The following HDAC4 variants were observed in gnomAD, a reference collection of about 807,000 sequenced individuals.
The protein encoded by HDAC4 is histone deacetylase A.
HDAC4 carries 16 observed loss-of-function variants against 135.1 expected under a neutral mutation model. That is an observed-to-expected ratio of 0.12 (90% confidence interval 0.08 to 0.18). HDAC4 has a LOEUF of 0.18. Ranked by LOEUF, HDAC4 falls within the 10% of genes least tolerant of loss-of-function variation. HDAC4 has a pLI of 1.00. For synonymous variants in HDAC4, 685 were observed against 653.4 expected (o/e 1.05, Z -0.74); for missense variants, 1,143 against 1,511.8 (o/e 0.76, Z 4.05).
intron 3 of HDAC4, among the ~76,000 whole-genome samples, chr2:239,193,519 A>G (rs972869007): frequency 6.6e-6 from 1 of 152,230 alleles, no homozygotes; most frequent in African/African-American, 2.4e-5. Context: ...AAGGGCCCAC[A>G]GTGGGCTGCG....
At chr2:239,063,447 G>A (rs1000864033) in intron 24 of HDAC4, among the ~76,000 whole-genome samples, 6 of 152,072 alleles carry the variant, frequency 3.9e-5, no homozygotes, top group African/African-American at 1.2e-4. Flanking sequence ...CTCGTGATCC[G>A]CCCGCCTCGG....
At position 239,285,923 on chromosome 2, in the gene HDAC4, TC is replaced by T. The variant is rs2051111835; in HGVS notation, c.23-49260del. On this transcript the variant is annotated intron_variant, in intron 2 of 26. Coordinates refer to ENST00000543185, the MANE Select transcript of HDAC4 (RefSeq NM_001378414.1). This position sits in a 1 kb window ranked among gnomAD's most constrained non-coding sequence, Gnocchi z 4.5. ...CCTATCAGAAGAACGGCCTCCTCAC[TC>T]CCATCCCTCTATTTCCAAACAGTAA... Among the ~76,000 whole-genome samples the T allele has an allele frequency of 6.6e-6, 1 of 151,490 alleles. No homozygotes were observed. The highest frequency in any genetic ancestry group is 2.4e-5 in the African/African-American group (1 of 41,160).
At chr2:239,305,619 T>C (rs576184039) in intron 2 of HDAC4, 4 of 152,798 alleles carry the variant, frequency 2.6e-5, no homozygotes, top group African/African-American at 9.6e-5. Flanking sequence ...AAATAAGTTC[T>C]AAAAGTTTCT....
At chr2:239,097,076 G>A (rs1335625758) in intron 16 of HDAC4, among the ~76,000 whole-genome samples, 7 of 152,214 alleles carry the variant, frequency 4.6e-5, no homozygotes, top group Admixed American at 3.9e-4. Context: ...GCTGAGGGGC[G>A]CAGGCGCCAT....
At chr2:239,089,745 A>ATTTT (rs1400857466) in intron 18 of HDAC4, 13 of 314,972 alleles carry the variant, frequency 4.1e-5, no homozygotes, top group African/African-American at 2.9e-4. Context: ...TTTTTTTTTA[A>ATTTT]GAGTATAAAT....
At chr2:239,346,257 C>CAA (rs138529684) in intron 2 of HDAC4, among the ~76,000 whole-genome samples, 38,006 of 150,234 alleles carry the variant, frequency 0.25, 5,561 homozygotes, top group Non-Finnish European at 0.34. Context: ...CTTTAATACA[C>CAA]AGACACCCAC....
At position 239,107,447 on chromosome 2, in the gene HDAC4, C is replaced by T. The variant is rs544326702; in HGVS notation, c.2112+603G>A. 1.2e-4 allele frequency among the ~76,000 whole-genome samples: 19 copies of T among 152,322 alleles called. No individual in the cohort carries two copies. The East Asian group carries it at 3.5e-3, about 28-fold the overall frequency. On this transcript the variant is annotated intron_variant, in intron 15 of 26. Transcript: ENST00000543185. Reference sequence around the variant, plus strand: ...CCCGAAGCCTCCTCGTGTGACTCAGCCACATAAGGGAGCTGAATTCAAACC... The same window carrying T: ...CCCGAAGCCTCCTCGTGTGACTCAGTCACATAAGGGAGCTGAATTCAAACC...
chr2:239,097,144 G>T (rs976811708), intron 16 of HDAC4, among the ~76,000 whole-genome samples: 6 of 152,370 alleles, frequency 3.9e-5, no homozygotes, highest in African/African-American at 1.4e-4. Flanking sequence ...GCCAGCCTGT[G>T]TCGGAGGGAG....
intron 1 of HDAC4, among the ~76,000 whole-genome samples, chr2:239,390,335 C>T (rs1696115349): frequency 6.6e-6 from 1 of 152,132 alleles, no homozygotes; most frequent in Admixed American, 6.5e-5. Flanking sequence ...AGTTTGAGAC[C>T]AGCCATGGAC....
chr2:239,126,789 C>T, intron 11 of HDAC4, 95 bp from the exon 12 acceptor site: 6 of 1,338,296 alleles, frequency 4.5e-6, no homozygotes, highest in Non-Finnish European at 5.2e-6. Context: ...CAACTGCGCC[C>T]TGTGCCCGCC....
intron 1 of HDAC4, among the ~76,000 whole-genome samples, chr2:239,392,866 C>A (rs764674407): frequency 6.6e-6 from 1 of 152,216 alleles, no homozygotes; most frequent in Non-Finnish European, 1.5e-5. Context: ...GCAGATGGGC[C>A]AGGCTGGGCT....
chr2:239,314,041 C>T (rs1272916275), intron 2 of HDAC4, among the ~76,000 whole-genome samples: 2 of 152,112 alleles, frequency 1.3e-5, no homozygotes, highest in African/African-American at 4.8e-5. Context: ...AGAGGACTCC[C>T]CTCAGAACTC....
intron 1 of HDAC4, among the ~76,000 whole-genome samples, chr2:239,376,648 G>A (rs1354441196): frequency 6.6e-6 from 1 of 152,256 alleles, no homozygotes; most frequent in Non-Finnish European, 1.5e-5. Context: ...TCCAGCCACA[G>A]ATTGCCCGGG....
intron 3 of HDAC4, among the ~76,000 whole-genome samples, chr2:239,192,440 C>T (rs2045050978): frequency 6.6e-6 from 1 of 152,226 alleles, no homozygotes; most frequent in Non-Finnish European, 1.5e-5. Flanking sequence ...CGTTCACCTA[C>T]ATTTGCTTCA....
Position 239,080,125 on chromosome 2 carries a change from CACAA to C in HDAC4, c.2750+966_2750+969del, listed in dbSNP as rs534001153. Among the ~76,000 whole-genome samples the C allele has an allele frequency of 1.6e-3, 247 of 152,200 alleles. 9 individuals are homozygous for C. Among genetic ancestry groups the C allele is most frequent in the African/African-American group, 5.2e-3 (217 of 41,468 alleles). On this transcript the variant is annotated intron_variant, in intron 22 of 26. Coordinates refer to ENST00000543185, the MANE Select transcript of HDAC4 (RefSeq NM_001378414.1). ...ACACACACAGATGAACACCGACCCA[CACAA>C]ACACACACACGCACGTGGACACACA...
intron 1 of HDAC4, among the ~76,000 whole-genome samples, chr2:239,353,807 C>G (rs1352398322): frequency 6.6e-6 from 1 of 152,182 alleles, no homozygotes; most frequent in Non-Finnish European, 1.5e-5. Context: ...AAAGAAAAAT[C>G]ACTTTCAGCA....
At chr2:239,091,133 A>C (rs1472120086) in intron 17 of HDAC4, 1 of 152,240 alleles carries the variant, frequency 6.6e-6, no homozygotes, top group Non-Finnish European at 1.5e-5. Context: ...GTGTTGGCTC[A>C]TTTATTTATT....
chr2:239,066,631 T>A, intron 24 of HDAC4, 91 bp downstream of exon 24: 1 of 1,589,448 alleles, frequency 6.3e-7, no homozygotes, highest in Non-Finnish European at 8.6e-7. Context: ...ACCCACTGGC[T>A]TTTTCATGCT....
At chr2:239,226,827 G>T (rs1414154433) in intron 3 of HDAC4, among the ~76,000 whole-genome samples, 1 of 152,170 alleles carries the variant, frequency 6.6e-6, no homozygotes, top group Non-Finnish European at 1.5e-5. Flanking sequence ...AGTGTCCTGG[G>T]CCGCGTGGGG....
Sources: allele counts gnomAD v4.1 joint callset (sites outside exome capture counted in the v4.1 genomes callset), GRCh38; gene constraint gnomAD v4.1.1; non-coding constraint Gnocchi (gnomAD v3.1); transcripts MANE v1.5; gene names NCBI Gene and HGNC (gene_info 2026-07-23, HGNC 2026-07-21).